Variants in NCL observed in about 807,000 individuals in gnomAD.
The protein encoded by NCL is nucleolin multifunctional protein.
A neutral mutation model predicts 77.7 loss-of-function variants in NCL; 4 were observed. The ratio of observed to expected loss-of-function variants is 0.05; its 90% CI spans 0.03 to 0.12. The LOEUF is 0.12. Among genes scored for constraint, NCL ranks in the 10% least tolerant of loss-of-function variants. The pLI, the probability that NCL is intolerant of heterozygous loss-of-function variation, is 1.00. For synonymous variants in NCL, 344 were observed against 297.8 expected (o/e 1.16, Z -1.60); for missense variants, 763 against 860.9 (o/e 0.89, Z 1.42).
chr2:231,462,690 AT>A lies in NCL; in HGVS notation c.135+509del, dbSNP rs2125638029. ...GCTCAGCTGTCTTTATAGTGAGCAA[AT>A]AAAAGGCCAGGAGTGCTAAAGAGGG... On this transcript the variant is annotated intron_variant, in intron 2 of 13. Coordinates refer to ENST00000322723, the MANE Select transcript of NCL (RefSeq NM_005381.3). The A allele has an allele frequency of 1.2e-5, 5 of 411,714 alleles. No homozygotes were observed. In the East Asian group the frequency reaches 3.5e-4, roughly 29 times the overall value. The allele number at this position is 411,714 out of a possible 1,614,324, so 25.5% of individuals were successfully genotyped here.
At position 231,455,148 on chromosome 2, in the gene NCL, G is replaced by C; in HGVS notation, c.*43C>G. The C allele has an allele frequency of 6.2e-7, 1 of 1,607,916 alleles. No individual in the cohort carries two copies. The highest frequency in any genetic ancestry group is 8.5e-7 in the Non-Finnish European group (1 of 1,174,924). ...ATCAGGTAACAGTAAAAACCCCAGAGTCCTTTCTTTCAAATGGAAAAGGGA... is the reference window on the plus strand; with the variant it reads ...ATCAGGTAACAGTAAAAACCCCAGACTCCTTTCTTTCAAATGGAAAAGGGA... On this transcript the variant is annotated 3_prime_UTR_variant, in exon 14 of 14. Coordinates refer to ENST00000322723, the MANE Select transcript of NCL (RefSeq NM_005381.3).
In NCL at chr2:231,454,896, CCCAAA is replaced by C. The variant is rs2046869108; in HGVS notation, c.*290_*294del. The C allele has an allele frequency of 1.7e-5, 4 of 235,780 alleles. No individual in the cohort carries two copies. Among genetic ancestry groups the C allele is most frequent in the Non-Finnish European group, 3.2e-5 (4 of 124,576 alleles). The allele number at this position is 235,780 out of a possible 1,614,324, so 14.6% of individuals were successfully genotyped here. A position where few individuals can be genotyped will look rare whatever the true frequency, so the allele number is the denominator to read the frequency against. On this transcript the variant is annotated 3_prime_UTR_variant, in exon 14 of 14. Coordinates refer to ENST00000322723, the MANE Select transcript of NCL (RefSeq NM_005381.3). ...ACAAAAAAAAGAAACAACAACAAAA[CCCAAA>C]CTATTTGTAGGAAAAAATGGTTTTG...
chr2:231,460,718 T>G lies in NCL; in HGVS notation c.762A>C (p.Glu254Asp). The G allele has an allele frequency of 6.3e-7, 1 of 1,595,518 alleles. No homozygotes were observed. The highest frequency in any genetic ancestry group is 1.1e-5 in the South Asian group (1 of 90,332). The part of the protein sequence containing the change: ...DEDDDDDEDD[E>D]DDDDEDDEEE... ...CCTCATCATCTTCATCATCATCATC[T>G]TCATCATCTTCGTCGTCGTCGTCAT... is the stretch of plus-strand genomic sequence containing the variant. Residue 254 changes from glutamate to aspartate, a missense_variant, in exon 4 of 14, where the codon GAA becomes GAC. Transcript: ENST00000322723.
chr2:231,457,170 C>T, intron 9 of NCL, 46 bp from the exon 10 acceptor site: 4 of 1,611,296 alleles, frequency 2.5e-6, no homozygotes, highest in Non-Finnish European at 2.5e-6. Flanking sequence ...AACAGTGGTT[C>T]CCAGCTTCGG....
Position 231,460,233 on chromosome 2 carries a change from G to A in NCL, c.959C>T (p.Ala320Val), listed in dbSNP as rs775383828. The stretch of plus-strand genomic sequence containing the variant: ...GCTGATACCAGTTTTTAATTCAGGA[G>A]CAGATTTGTTAAAGTTTAGGTTTCC... ...FVGNLNFNKS[A>V]PELKTGISDV... The change falls in exon 6 of 14, where the codon GCT becomes GTT. Residue 320 changes from alanine to valine, a missense_variant. Physicochemically the swap from Ala to Val is moderately conservative, Grantham distance 64. This residue lies in a region of NCL where 590 missense variants were observed against 570.5 expected (regional missense o/e 1.03). Transcript: ENST00000322723. The A allele has an allele frequency of 8.7e-6, 14 of 1,614,088 alleles. No homozygotes were observed. In the Admixed American group the frequency reaches 1.3e-4, roughly 15 times the overall value.
chr2:231,459,196 A>G (rs976802691), intron 6 of NCL, 71 bp from the exon 7 acceptor site: 3 of 1,414,982 alleles, frequency 2.1e-6, no homozygotes, highest in Non-Finnish European at 2.8e-6. Flanking sequence ...TATGTATTCT[A>G]GACAAATGTG....
intron 10 of NCL, 48 bp from the exon 11 acceptor site, chr2:231,456,812 C>T (rs779536054): frequency 6.2e-7 from 1 of 1,607,224 alleles, no homozygotes; most frequent in Non-Finnish European, 8.5e-7. Context: ...GGCACATGCT[C>T]CTTCACTGTC....
At position 231,455,054 on chromosome 2, in the gene NCL, A is replaced by G. The variant is rs1451469920; in HGVS notation, c.*137T>C. On this transcript the variant is annotated 3_prime_UTR_variant, in exon 14 of 14. Transcript: ENST00000322723. The stretch of plus-strand genomic sequence containing the variant: ...CGGTATTGCCCTTGAAATGTTAACT[A>G]GACGGATTTCCAAGGAGACCACAGG... 5 of 916,338 alleles carry G rather than the reference A, an allele frequency of 5.5e-6. No homozygotes were observed. The Admixed American group carries it at 8.9e-5, about 16-fold the overall frequency. 56.8% of individuals were successfully genotyped at this position (916,338 alleles called of 1,614,324 possible).
rs1187021417 is a variant in NCL at position 231,456,679 on chromosome 2, T to C, written c.1657A>G (p.Ile553Val). ...CTGGGTCCTTGCAACTCCAGCCTGA[T>C]TGCTCTGCCCTCAATTTCCCTTTTA... ...CNKREIEGRA[I>V]RLELQGPRGS... is the part of the protein sequence containing the mutation. The change falls in exon 11 of 14, where the codon ATC becomes GTC. Residue 553 changes from isoleucine (I) to valine (V), a missense_variant. By Grantham distance (29) the Ile-to-Val change is conservative (BLOSUM62 3). This residue lies in a region of NCL where 173 missense variants were observed against 290.4 expected (regional missense o/e 0.60). Coordinates refer to ENST00000322723, the MANE Select transcript of NCL (RefSeq NM_005381.3). The C allele has an allele frequency of 6.2e-6, 10 of 1,614,176 alleles. No individual in the cohort carries two copies. The highest frequency in any genetic ancestry group is 1.3e-5 in the African/African-American group (1 of 75,048).
At position 231,455,172 on chromosome 2, in the gene NCL, G is replaced by T; in HGVS notation, c.*19C>A. ...AGTCCTTTCTTTCAAATGGAAAAGG[G>T]AAAGCAGAGGGACAGAAGCTATTCA... On this transcript the variant is annotated 3_prime_UTR_variant, in exon 14 of 14. Transcript: ENST00000322723. The T allele has an allele frequency of 6.2e-7, 1 of 1,614,020 alleles. No homozygotes were observed. Among genetic ancestry groups the T allele is most frequent in the Non-Finnish European group, 8.5e-7 (1 of 1,179,962 alleles).
chr2:231,457,197 T>G, intron 9 of NCL, 73 bp from the exon 10 acceptor site: 3 of 1,589,416 alleles, frequency 1.9e-6, no homozygotes, highest in Non-Finnish European at 2.6e-6. Flanking sequence ...CAGTAATATC[T>G]TATTCCTAAG....
rs1014565020 is a variant in NCL, at chr2:231,464,464, G to A, written c.-111C>T. The A allele has an allele frequency of 9.7e-6, 14 of 1,437,892 alleles. No homozygotes were observed. In the East Asian group the frequency reaches 1.5e-4, roughly 15 times the overall value. 89.1% of individuals were successfully genotyped at this position (1,437,892 alleles called of 1,614,324 possible). On this transcript the variant is annotated 5_prime_UTR_variant, in exon 1 of 14. Coordinates refer to ENST00000322723, the MANE Select transcript of NCL (RefSeq NM_005381.3). The stretch of plus-strand genomic sequence containing the variant: ...AGATCCCGGAGCACGTACACCCGAA[G>A]GCCAGCGAGAGCTCGAGACTGAGGC...
Position 231,457,711 on chromosome 2 carries a change from G to T in NCL, c.1379C>A (p.Ser460Tyr), listed in dbSNP as rs1268603550. ...QGTEIDGRSI[S>Y]LYYTGEKGQN... ...ACCTTTCTCTCCAGTATAGTACAGG[G>T]AAATAGATCGCCCATCGATCTCTGT... is the stretch of plus-strand genomic sequence containing the variant. Residue 460 changes from serine to tyrosine, a missense_variant, in exon 9 of 14, where the codon TCC becomes TAC. Coordinates refer to ENST00000322723, the MANE Select transcript of NCL (RefSeq NM_005381.3). 1.2e-6 allele frequency: 2 copies of T among 1,612,776 alleles called. No homozygotes were observed. The highest frequency in any genetic ancestry group is 1.7e-6 in the Non-Finnish European group (2 of 1,179,100).
Position 231,461,412 on chromosome 2 carries a change from ACAAC to A in NCL, c.613+124_613+127del, listed in dbSNP as rs909640642. On this transcript the variant is annotated intron_variant, in intron 3 of 13. Transcript: ENST00000322723. ...GGGTAATTAAGTCTAGCACACCACA[ACAAC>A]CCAGAGAATTCCCACAAGGATTCTA... 6 of 1,461,646 alleles carry A rather than the reference ACAAC, an allele frequency of 4.1e-6. No individual in the cohort carries two copies. In the African/African-American group the frequency reaches 8.5e-5, roughly 21 times the overall value. The allele number at this position is 1,461,646 out of a possible 1,614,324, so 90.5% of individuals were successfully genotyped here.
Position 231,460,546 on chromosome 2 carries a change from G to T in NCL, c.830C>A (p.Pro277His). Residue 277 changes from proline to histidine, a missense_variant, in exon 5 of 14, where the codon CCT becomes CAT. Around this residue, in one of 2 missense-constraint regions of NCL, gnomAD observed 590 missense variants for 570.5 expected, o/e 1.03. Coordinates refer to ENST00000322723, the MANE Select transcript of NCL (RefSeq NM_005381.3). ...EEEEEPVKEAPGKRKKEMAKQ... is the reference protein window; with the variant it reads ...EEEEEPVKEAHGKRKKEMAKQ... ...GGCCATTTCCTTCTTTCGTTTTCCA[G>T]GTGCTTCTTTGACAGGCTCTGGACA... 6.2e-7 allele frequency: 1 copy of T among 1,614,142 alleles called. No homozygotes were observed. The highest frequency in any genetic ancestry group is 8.5e-7 in the Non-Finnish European group (1 of 1,180,048).
intron 7 of NCL, chr2:231,458,777 T>A: frequency 2.2e-6 from 1 of 462,370 alleles, no homozygotes; most frequent in Non-Finnish European, 3.7e-6. Context: ...TGTATAAAAG[T>A]GCTCTTGCTT....
In NCL at chr2:231,463,229, C is replaced by T. The variant is rs751021668; in HGVS notation, c.106G>A (p.Asp36Asn). 6.2e-7 allele frequency: 1 copy of T among 1,611,280 alleles called. No individual in the cohort carries two copies. The change falls in exon 2 of 14, where the codon GAT becomes AAT. Residue 36 changes from aspartate to asparagine, a missense_variant. Asp to Asn is a conservative substitution (Grantham distance 23, BLOSUM62 1). Coordinates refer to ENST00000322723, the MANE Select transcript of NCL (RefSeq NM_005381.3). ...TCTCCACTGCTATCATCTTCTTCATCTTCTGACATTTCCTCATCTTCACTA... is the reference window on the plus strand; with the variant it reads ...TCTCCACTGCTATCATCTTCTTCATTTTCTGACATTTCCTCATCTTCACTA... ...EDSEDEEMSE[D>N]EEDDSSGEEV...
chr2:231,455,349 C>T, intron 13 of NCL, 52 bp downstream of exon 13: 1 of 1,613,538 alleles, frequency 6.2e-7, no homozygotes, highest in Non-Finnish European at 8.5e-7. Context: ...TGACAGGGCA[C>T]AGGGTCTGAA....
At chr2:231,456,382 GGTGGGGCCCA>G in intron 11 of NCL, 1 of 909,014 alleles carries the variant, frequency 1.1e-6, no homozygotes, top group Admixed American at 1.7e-5. Context: ...AACCCAAGCA[GGTGGGGCCCA>G]GTGGATGGGG....
Sources: allele counts gnomAD v4.1 joint callset, GRCh38; gene constraint gnomAD v4.1.1; regional missense constraint gnomAD v4.1.1; transcripts MANE v1.5; gene names NCBI Gene and HGNC (gene_info 2026-07-23, HGNC 2026-07-21).